The following CTNNA1 variants were observed in gnomAD, a reference collection of about 807,000 sequenced individuals.
The protein encoded by CTNNA1 is catenin alpha 1.
Under a neutral mutation model 98.4 loss-of-function variants are expected in CTNNA1, and 37 were observed. That is an observed-to-expected ratio of 0.38 (90% CI 0.29 to 0.49). The LOEUF (loss-of-function observed/expected upper bound fraction) is 0.49, where lower values mean the gene tolerates loss of function less well. Among genes scored for constraint, CTNNA1 ranks in the 20% least tolerant of loss-of-function variants. The probability of loss-of-function intolerance (pLI) is 0.95; values close to 1 mark genes in which losing one functional copy is unlikely to be tolerated. For synonymous variants in CTNNA1, 404 were observed against 413.2 expected, an observed-to-expected ratio of 0.98 and a Z score of 0.27; for missense variants, 761 against 1,147.2, an observed-to-expected ratio of 0.66 and a Z score of 4.86.
chr5:138,793,154 C>G (rs1267147125), intron 3 of CTNNA1, among the ~76,000 whole-genome samples: 1 of 152,148 alleles, frequency 6.6e-6, no homozygotes, highest in African/African-American at 2.4e-5. Flanking sequence ...TCCATTTTTT[C>G]TTGTTCTTCA....
intron 5 of CTNNA1, among the ~76,000 whole-genome samples, chr5:138,818,370 G>A (rs747810257): frequency 1.2e-3 from 180 of 150,608 alleles, no homozygotes; most frequent in African/African-American, 4.0e-3. Flanking sequence ...CTTTTTATTG[G>A]GTTCTAGTGT....
chr5:138,809,766 T>G (rs2149726113), intron 3 of CTNNA1, among the ~76,000 whole-genome samples: 1 of 152,240 alleles, frequency 6.6e-6, no homozygotes, highest in Non-Finnish European at 1.5e-5. Context: ...GGAACATTAT[T>G]AGATCAAAGG....
intron 1 of CTNNA1, among the ~76,000 whole-genome samples, chr5:138,770,299 A>C (rs1227846943): frequency 2.0e-5 from 3 of 152,140 alleles, no homozygotes; most frequent in Non-Finnish European, 4.4e-5. Context: ...AGTCTCATGG[A>C]AACAGGGACT....
chr5:138,894,259 T>G (rs969504856), intron 9 of CTNNA1, among the ~76,000 whole-genome samples: 3 of 150,078 alleles, frequency 2.0e-5, no homozygotes, highest in Admixed American at 6.6e-5. Flanking sequence ...AGGCATAATA[T>G]AGAGCCTTTA....
rs1751216705 is a variant in CTNNA1, at chr5:138,753,454, A to G, written c.-59A>G. The G allele has an allele frequency of 5.4e-6, 2 of 372,506 alleles. No homozygotes were observed. The highest frequency in any genetic ancestry group is 9.5e-6 in the Non-Finnish European group (2 of 209,694). 23.1% of individuals were successfully genotyped at this position (372,506 alleles called of 1,614,324 possible). A position where few individuals can be genotyped will look rare whatever the true frequency, so the allele number is the denominator to read the frequency against. On this transcript the variant is annotated 5_prime_UTR_variant, in exon 1 of 18. Transcript: ENST00000302763. ...TCCTAGCCGGACTGGAGGGAGACAA[A>G]GCAGCGCCCGTCTGCTTCGGGCCTC...
intron 13 of CTNNA1, among the ~76,000 whole-genome samples, chr5:138,928,764 T>A (rs1764667289): frequency 6.6e-6 from 1 of 152,012 alleles, no homozygotes; most frequent in South Asian, 2.1e-4. Context: ...TGAAACCCCG[T>A]CTCTACTAAA....
intron 15 of CTNNA1, 84 bp downstream of exon 15, chr5:138,930,738 AGGCCATGG>A: frequency 6.5e-7 from 1 of 1,544,566 alleles, no homozygotes. Context: ...CAGACAGCCC[AGGCCATGG>A]GGCTTTGTGG....
At chr5:138,906,531 A>G (rs1285227597) in intron 10 of CTNNA1, among the ~76,000 whole-genome samples, 2 of 152,242 alleles carry the variant, frequency 1.3e-5, no homozygotes, top group Non-Finnish European at 2.9e-5. Flanking sequence ...GAGTATTTAT[A>G]TAAATGATCT....
At chr5:138,899,967 G>A (rs1757678472) in intron 9 of CTNNA1, among the ~76,000 whole-genome samples, 1 of 152,062 alleles carries the variant, frequency 6.6e-6, no homozygotes, top group Admixed American at 6.5e-5. Flanking sequence ...TCATTTTTCA[G>A]TATTGTAAGA....
At position 138,866,399 on chromosome 5, in the gene CTNNA1, A is replaced by G. The variant is rs869312568; in HGVS notation, c.1063-19813A>G. Among the ~76,000 whole-genome samples, 2 of 151,982 alleles carry G rather than the reference A, an allele frequency of 1.3e-5. No individual in the cohort carries two copies. The highest frequency in any genetic ancestry group is 2.9e-5 in the Non-Finnish European group (2 of 68,006). On this transcript the variant is annotated intron_variant, in intron 7 of 17. Transcript: ENST00000302763. ...ACACAATTGTCAATAGATATTCAGT[A>G]AACTTAATGTTTATGATGTTTTTAC...
intron 1 of CTNNA1, among the ~76,000 whole-genome samples, chr5:138,780,255 A>C (rs184505887): frequency 1.6e-4 from 25 of 151,754 alleles, no homozygotes; most frequent in Admixed American, 1.6e-3. Flanking sequence ...CAGTGGCGCT[A>C]TCTCTGCTAC....
At chr5:138,932,365 G>A (rs1561778992) in intron 16 of CTNNA1, 2 of 1,399,116 alleles carry the variant, frequency 1.4e-6, no homozygotes, top group Non-Finnish European at 1.9e-6. Context: ...CGCAGTCAGG[G>A]TCCCATGGAC....
At chr5:138,920,040 G>A (rs56130237) in intron 11 of CTNNA1, among the ~76,000 whole-genome samples, 3,775 of 146,024 alleles carry the variant, frequency 0.026, 153 homozygotes, top group African/African-American at 0.091. Context: ...GCAATGGTGG[G>A]ATCTCGGCTC....
intron 1 of CTNNA1, among the ~76,000 whole-genome samples, chr5:138,773,084 C>A (rs1292233233): frequency 6.6e-6 from 1 of 152,176 alleles, no homozygotes; most frequent in Non-Finnish European, 1.5e-5. Context: ...AACATGTTCT[C>A]TTTAGATTTT....
intron 1 of CTNNA1, among the ~76,000 whole-genome samples, chr5:138,778,608 A>G (rs1249613747): frequency 1.3e-5 from 2 of 152,238 alleles, no homozygotes; most frequent in Non-Finnish European, 2.9e-5. Flanking sequence ...CGCTACTGAG[A>G]AACTGAATGC....
chr5:138,883,313 T>TA (rs1217794919), intron 7 of CTNNA1, among the ~76,000 whole-genome samples: 3 of 152,214 alleles, frequency 2.0e-5, no homozygotes, highest in Non-Finnish European at 4.4e-5. Flanking sequence ...TCTAAAATGA[T>TA]ACTGTGATTT....
intron 5 of CTNNA1, among the ~76,000 whole-genome samples, chr5:138,822,051 G>A (rs1760101106): frequency 6.6e-6 from 1 of 152,098 alleles, no homozygotes; most frequent in South Asian, 2.1e-4. Flanking sequence ...ACAAATGATG[G>A]TATTTCGTTA....
chr5:138,869,370 CTCTCT>C (rs1374686315), intron 7 of CTNNA1: 2 of 144,132 alleles, frequency 1.4e-5, no homozygotes, highest in Admixed American at 6.9e-5. Context: ...TACTGTCTCT[CTCTCT>C]TTTTTTTTTT....
At chr5:138,795,897 A>G (rs941443536) in intron 3 of CTNNA1, among the ~76,000 whole-genome samples, 1 of 152,210 alleles carries the variant, frequency 6.6e-6, no homozygotes, top group African/African-American at 2.4e-5. Context: ...TATCCTAGAG[A>G]TGAAACTAAT....
Sources: allele counts gnomAD v4.1 joint callset (sites outside exome capture counted in the v4.1 genomes callset), GRCh38; gene constraint gnomAD v4.1.1; transcripts MANE v1.5; gene names NCBI Gene and HGNC (gene_info 2026-07-23, HGNC 2026-07-21).